The following STK17B variants were observed in gnomAD, a reference collection of about 807,000 sequenced individuals.
The protein encoded by STK17B is serine/threonine kinase 17b.
Under a neutral mutation model 42.0 loss-of-function variants are expected in STK17B, and 21 were observed. That is an observed-to-expected ratio of 0.50 (90% CI 0.35 to 0.72). The LOEUF (loss-of-function observed/expected upper bound fraction) is 0.72, where lower values mean the gene tolerates loss of function less well. Ranked by LOEUF, STK17B falls within the 30% of genes least tolerant of loss-of-function variation. The pLI is 0.00. For missense variants in STK17B, 349 were observed against 446.0 expected, an observed-to-expected ratio of 0.78 and a Z score of 1.96; for synonymous variants, 143 against 148.4, an observed-to-expected ratio of 0.96 and a Z score of 0.26.
intron 3 of STK17B, among the ~76,000 whole-genome samples, chr2:196,147,871 A>C (rs1054831753): frequency 6.6e-6 from 1 of 151,852 alleles, no homozygotes; most frequent in African/African-American, 2.4e-5. Context: ...AGCTGGGACT[A>C]CAGGTGCATG....
chr2:196,163,850 C>A (rs1008730885), intron 1 of STK17B, among the ~76,000 whole-genome samples: 1 of 151,876 alleles, frequency 6.6e-6, no homozygotes, highest in Non-Finnish European at 1.5e-5. Flanking sequence ...CCAGTCCTGG[C>A]AACATAGCGA....
chr2:196,145,100 G>A (rs574962622), intron 4 of STK17B, among the ~76,000 whole-genome samples: 10 of 150,316 alleles, frequency 6.7e-5, no homozygotes, highest in Admixed American at 2.0e-4. Context: ...TGGGGAAATA[G>A]CAGGGATACT....
Position 196,136,328 on chromosome 2 carries a change from A to C in STK17B, c.*1119T>G, listed in dbSNP as rs1019976283. 1 of 152,394 alleles carries C rather than the reference A, an allele frequency of 6.6e-6. No individual in the cohort carries two copies. Among genetic ancestry groups the C allele is most frequent in the Non-Finnish European group, 1.5e-5 (1 of 68,044 alleles). 9.4% of individuals were successfully genotyped at this position (152,394 alleles called of 1,614,324 possible). On this transcript the variant is annotated 3_prime_UTR_variant, in exon 8 of 8. Coordinates refer to ENST00000263955, the MANE Select transcript of STK17B (RefSeq NM_004226.4). ...TCTCTTGCATTGGTCCCAGCAAAAG[A>C]CCACAATGAGGGGCCACTCTGCAGA...
intron 1 of STK17B, chr2:196,170,845 G>C (rs1699930682): frequency 6.6e-6 from 1 of 152,260 alleles, no homozygotes; most frequent in Non-Finnish European, 1.5e-5. Context: ...TTCTCTAGAC[G>C]AAAGGCAGCT....
intron 1 of STK17B, among the ~76,000 whole-genome samples, chr2:196,169,342 GGC>G (rs1699909626): frequency 6.6e-6 from 1 of 152,136 alleles, no homozygotes; most frequent in South Asian, 2.1e-4. Context: ...TGGGATTACA[GGC>G]TTGAGCCACT....
At chr2:196,175,145 T>G (rs1699986447), upstream of STK17B, among the ~76,000 whole-genome samples, 1 of 152,236 alleles carries the variant, frequency 6.6e-6, no homozygotes, top group Non-Finnish European at 1.5e-5. Context: ...CAACATGTAA[T>G]CAACAAAAAT....
chr2:196,160,144 C>T (rs1484952139), intron 2 of STK17B, among the ~76,000 whole-genome samples: 1 of 152,052 alleles, frequency 6.6e-6, no homozygotes, highest in African/African-American at 2.4e-5. Flanking sequence ...TTAAGTTATA[C>T]CCTAAAAAGG....
intron 6 of STK17B, among the ~76,000 whole-genome samples, chr2:196,140,451 T>C (rs938228292): frequency 7.4e-5 from 11 of 148,180 alleles, no homozygotes; most frequent in African/African-American, 2.2e-4. Context: ...TCTGGTTCTA[T>C]TCCCTATGGT....
intron 3 of STK17B, among the ~76,000 whole-genome samples, chr2:196,151,774 A>G (rs1382576563): frequency 6.6e-6 from 1 of 152,220 alleles, no homozygotes; most frequent in Admixed American, 6.5e-5. Flanking sequence ...CCATATGTAT[A>G]AATAGATCTA....
intron 3 of STK17B, among the ~76,000 whole-genome samples, chr2:196,148,942 C>T (rs1473174751): frequency 6.6e-6 from 1 of 152,158 alleles, no homozygotes; most frequent in East Asian, 1.9e-4. Flanking sequence ...CACTCTAGCT[C>T]TGTCACTAAC....
chr2:196,171,871 A>C (rs1340242690), upstream of STK17B, among the ~76,000 whole-genome samples: 1 of 151,890 alleles, frequency 6.6e-6, no homozygotes, highest in Non-Finnish European at 1.5e-5. Flanking sequence ...GCGGGGCTGG[A>C]ACTACTGCTC....
intron 4 of STK17B, 35 bp from the exon 5 acceptor site, chr2:196,143,721 A>G (rs904579544): frequency 6.9e-7 from 1 of 1,456,612 alleles, no homozygotes. Context: ...GATAAGTAAT[A>G]TACAAAAAAG....
chr2:196,168,384 A>G (rs1338368911), intron 1 of STK17B, among the ~76,000 whole-genome samples: 2 of 152,248 alleles, frequency 1.3e-5, no homozygotes, highest in African/African-American at 2.4e-5. Flanking sequence ...GGGGTGGGCA[A>G]CAAATGCATG....
At chr2:196,172,703 C>T (rs990702455), upstream of STK17B, among the ~76,000 whole-genome samples, 15 of 152,214 alleles carry the variant, frequency 9.9e-5, no homozygotes, top group Admixed American at 9.2e-4. Flanking sequence ...GTTAACTCCT[C>T]CTCCCAGGTT....
Position 196,159,311 on chromosome 2 carries a change from G to GTT in STK17B, c.123-2662_123-2661dup, listed in dbSNP as rs71009085. 5.2e-3 allele frequency among the ~76,000 whole-genome samples: 684 copies of GTT among 130,694 alleles called. 1 individual carries two copies. Among genetic ancestry groups the GTT allele is most frequent in the African/African-American group, 0.017 (618 of 36,444 alleles). The allele number at this position is 130,694 out of a possible 152,430, so 85.7% of individuals were successfully genotyped here. Reference sequence around the variant, plus strand: ...TTGTTCCAGGTATTACCAAGAGGTTGTTTTTTTTTTTTTTTTGAGACAGGG... The same window carrying GTT: ...TTGTTCCAGGTATTACCAAGAGGTTGTTTTTTTTTTTTTTTTTTGAGACAGGG... On this transcript the variant is annotated intron_variant, in intron 2 of 7. Transcript: ENST00000263955.
intron 4 of STK17B, 22 bp downstream of exon 4, chr2:196,145,889 A>ACTTTAAATCACGTTACGTTAC (rs1243793202): frequency 6.5e-7 from 1 of 1,543,524 alleles, no homozygotes; most frequent in East Asian, 2.3e-5. Flanking sequence ...ATGTTGCATT[A>ACTTTAAATCACGTTACGTTAC]CTTTAAATCA....
At chr2:196,157,592 A>AT (rs1699756409) in intron 2 of STK17B, among the ~76,000 whole-genome samples, 1 of 152,234 alleles carries the variant, frequency 6.6e-6, no homozygotes, top group Admixed American at 6.5e-5. Flanking sequence ...TAACTAAGGT[A>AT]TATGTGTCCT....
At chr2:196,138,509 T>C (rs1481146410) in intron 7 of STK17B, among the ~76,000 whole-genome samples, 9 of 152,196 alleles carry the variant, frequency 5.9e-5, no homozygotes. Context: ...GAGTTACTAG[T>C]AAAGCTAGTG....
rs2105668260 is a variant in STK17B at position 196,136,124 on chromosome 2, C to T, written c.*1323G>A. On this transcript the variant is annotated 3_prime_UTR_variant, in exon 8 of 8. Coordinates refer to ENST00000263955, the MANE Select transcript of STK17B (RefSeq NM_004226.4). The stretch of plus-strand genomic sequence containing the variant: ...CAGGTTGTTGTTACCATTTGTCAAA[C>T]TATTTCTTCTGATACAGCAACATGG... 6.6e-6 allele frequency: 1 copy of T among 152,296 alleles called. No homozygotes were observed. The highest frequency in any genetic ancestry group is 1.9e-4 in the East Asian group (1 of 5,194). The allele number at this position is 152,296 out of a possible 1,614,324, so 9.4% of individuals were successfully genotyped here. A position where few individuals can be genotyped will look rare whatever the true frequency, so the allele number is the denominator to read the frequency against.
Sources: gnomAD v4.1 joint callset for allele counts (sites outside exome capture counted in the v4.1 genomes callset) on GRCh38, gnomAD v4.1.1 for gene constraint, MANE v1.5 for transcripts, NCBI Gene and HGNC (gene_info 2026-07-23, HGNC 2026-07-21) for gene names.